HIVEP3: variants seen among roughly 807,000 people sequenced by gnomAD.
HIVEP3 encodes transcription factor HIVEP3.
In HIVEP3, 49 loss-of-function variants were observed where a neutral mutation model predicts 152.8. The observed-to-expected ratio is 0.32, with a 90% CI of 0.26 to 0.41. HIVEP3 has a LOEUF of 0.41. Ranked by LOEUF, HIVEP3 falls within the 10% of genes least tolerant of loss-of-function variation. The pLI is 1.00. For synonymous variants in HIVEP3, 1,269 were observed against 1,289.0 expected (o/e 0.98, Z 0.33); for missense variants, 2,790 against 3,103.3 (o/e 0.90, Z 2.40).
At chr1:41,639,691 G>A (rs1005577640) in intron 2 of HIVEP3, among the ~76,000 whole-genome samples, 1 of 152,144 alleles carries the variant, frequency 6.6e-6, no homozygotes, top group African/African-American at 2.4e-5. Flanking sequence ...TTTCCTGAGG[G>A]GCTCACCTTT....
chr1:42,033,818 G>A (rs1645626601), intron 1 of HIVEP3, among the ~76,000 whole-genome samples: 1 of 152,220 alleles, frequency 6.6e-6, no homozygotes, highest in African/African-American at 2.4e-5. Flanking sequence ...CATAGGGGCA[G>A]GATAGTCCAG....
At chr1:41,718,597 A>G (rs1295470571) in intron 1 of HIVEP3, among the ~76,000 whole-genome samples, 1 of 152,174 alleles carries the variant, frequency 6.6e-6, no homozygotes, top group African/African-American at 2.4e-5. Flanking sequence ...AGCATCCCAC[A>G]GAGGATCTGC....
chr1:41,973,809 A>G (rs546684035), intron 1 of HIVEP3, among the ~76,000 whole-genome samples: 136 of 152,318 alleles, frequency 8.9e-4, no homozygotes, highest in African/African-American at 3.1e-3. Flanking sequence ...ATGAGGCCCC[A>G]GTGACAGGAG....
At chr1:41,986,187 G>A (rs755012884) in intron 1 of HIVEP3, among the ~76,000 whole-genome samples, 10 of 152,140 alleles carry the variant, frequency 6.6e-5, no homozygotes, top group Admixed American at 2.6e-4. Flanking sequence ...TGTAGAAAAT[G>A]TCTAAAAGAT....
intron 1 of HIVEP3, among the ~76,000 whole-genome samples, chr1:41,874,668 G>C (rs544444256): frequency 6.6e-6 from 1 of 152,224 alleles, no homozygotes; most frequent in Non-Finnish European, 1.5e-5. Context: ...CCACGGTACA[G>C]AAAGTAAGCC....
chr1:41,539,666 C>T (rs1643481006), intron 5 of HIVEP3, among the ~76,000 whole-genome samples: 1 of 152,202 alleles, frequency 6.6e-6, no homozygotes, highest in South Asian at 2.1e-4. Flanking sequence ...AGGGCTGAGG[C>T]CTCCCCAGAC....
At position 41,583,606 on chromosome 1, in the gene HIVEP3, C is replaced by T. The variant is rs1307940599; in HGVS notation, c.1192G>A (p.Glu398Lys). 3 of 1,614,152 alleles carry T rather than the reference C, an allele frequency of 1.9e-6. No individual in the cohort carries two copies. Among genetic ancestry groups the T allele is most frequent in the Non-Finnish European group, 2.5e-6 (3 of 1,180,024 alleles). ...GGGCTGACCTGCTGCTCTGCACTCT[C>T]GGAGCGAGAGAAATACCCAGACTCA... ...STESGYFSRS[E>K]SAEQQVSPPN... Residue 398 changes from glutamate to lysine, a missense_variant, in exon 4 of 9, where the codon GAG becomes AAG. Transcript: ENST00000372583. The surrounding 1 kb of genome is among the most constrained non-coding windows in gnomAD (Gnocchi z 6.9).
At chr1:41,905,651 A>G (rs1012902905) in intron 1 of HIVEP3, among the ~76,000 whole-genome samples, 2 of 152,224 alleles carry the variant, frequency 1.3e-5, no homozygotes, top group African/African-American at 4.8e-5. Flanking sequence ...TATATGACAG[A>G]GTTGGGATTT....
chr1:41,618,638 C>T (rs933000765), intron 3 of HIVEP3, among the ~76,000 whole-genome samples: 2 of 152,100 alleles, frequency 1.3e-5, no homozygotes, highest in African/African-American at 2.4e-5. Flanking sequence ...CCGAGTTCTA[C>T]TCACTTGTTC....
At chr1:41,728,972 A>G (rs1209646998) in intron 1 of HIVEP3, among the ~76,000 whole-genome samples, 1 of 152,166 alleles carries the variant, frequency 6.6e-6, no homozygotes, top group Non-Finnish European at 1.5e-5. Flanking sequence ...TCCCAGCCAC[A>G]CTGCTGCCCA....
At chr1:41,722,094 A>G (rs1323221070) in intron 1 of HIVEP3, among the ~76,000 whole-genome samples, 1 of 151,980 alleles carries the variant, frequency 6.6e-6, no homozygotes. Context: ...TGCCCCTGGG[A>G]TCTCTACCTC....
At chr1:41,649,640 T>C (rs1645515767) in intron 2 of HIVEP3, among the ~76,000 whole-genome samples, 1 of 152,132 alleles carries the variant, frequency 6.6e-6, no homozygotes. Flanking sequence ...AGCTTCCTTC[T>C]CCAAAGAGCT....
chr1:41,556,964 C>T (rs567301125), intron 5 of HIVEP3, among the ~76,000 whole-genome samples: 1 of 152,340 alleles, frequency 6.6e-6, no homozygotes, highest in East Asian at 1.9e-4. Flanking sequence ...TATTTCTGGG[C>T]TCTCTGTTGT....
chr1:41,736,044 C>A (rs1646913701), intron 1 of HIVEP3, among the ~76,000 whole-genome samples: 1 of 152,136 alleles, frequency 6.6e-6, no homozygotes, highest in Non-Finnish European at 1.5e-5. Context: ...CTCTGAAGAG[C>A]CACCTTTTCC....
intron 1 of HIVEP3, among the ~76,000 whole-genome samples, chr1:41,972,490 T>C (rs1382845703): frequency 6.6e-6 from 1 of 152,208 alleles, no homozygotes; most frequent in Non-Finnish European, 1.5e-5. Flanking sequence ...CTAGAGCTCA[T>C]AGCCCAGTGA....
At chr1:41,976,969 C>A (rs937931134) in intron 1 of HIVEP3, among the ~76,000 whole-genome samples, 1 of 152,204 alleles carries the variant, frequency 6.6e-6, no homozygotes, top group African/African-American at 2.4e-5. Context: ...TTGTTCTAAG[C>A]CACCCGGTTT....
Position 41,641,894 on chromosome 1 carries a change from C to G in HIVEP3, c.-720-12947G>C, listed in dbSNP as rs543269603. On this transcript the variant is annotated intron_variant, in intron 2 of 8. Coordinates refer to ENST00000372583, the MANE Select transcript of HIVEP3 (RefSeq NM_024503.5). ...CTAGGTTTGCATCCCGCCTCCTCCA[C>G]CTCCTAGCTATGCTCTGAGTTATTG... Among the ~76,000 whole-genome samples, 17 of 152,358 alleles carry G rather than the reference C, an allele frequency of 1.1e-4. No homozygotes were observed. The East Asian group carries it at 2.7e-3, about 24-fold the overall frequency.
chr1:41,657,183 C>T (rs888283538), intron 2 of HIVEP3, among the ~76,000 whole-genome samples: 5 of 152,174 alleles, frequency 3.3e-5, no homozygotes, highest in South Asian at 4.1e-4. Flanking sequence ...CACAACCTCC[C>T]GACACTCCCA....
At chr1:41,757,108 T>G (rs1437718279) in intron 1 of HIVEP3, among the ~76,000 whole-genome samples, 1 of 146,942 alleles carries the variant, frequency 6.8e-6, no homozygotes, top group Non-Finnish European at 1.5e-5. Flanking sequence ...ATTATTATTA[T>G]TATTATTATT....
Sources: allele counts gnomAD v4.1 joint callset (sites outside exome capture counted in the v4.1 genomes callset), GRCh38; gene constraint gnomAD v4.1.1; non-coding constraint Gnocchi (gnomAD v3.1); transcripts MANE v1.5; gene names NCBI Gene and HGNC (gene_info 2026-07-23, HGNC 2026-07-21).